DISP3: variants seen among roughly 807,000 people sequenced by gnomAD.
The protein encoded by DISP3 is protein dispatched homolog 3.
Under a neutral mutation model 135.3 loss-of-function variants are expected in DISP3, and 101 were observed. The observed-to-expected ratio is 0.75, with a 90% confidence interval of 0.64 to 0.88. DISP3 has a LOEUF of 0.88. DISP3 is among the 40% of genes least tolerant of loss of function. The pLI is 0.00. For synonymous variants in DISP3, 856 were observed against 817.0 expected (o/e 1.05, Z -0.81); for missense variants, 1,713 against 1,878.6 (o/e 0.91, Z 1.63).
intron 11 of DISP3, among the ~76,000 whole-genome samples, chr1:11,524,577 A>T (rs1369714902): frequency 6.8e-6 from 1 of 147,126 alleles, no homozygotes; most frequent in Non-Finnish European, 1.5e-5. Context: ...ACCCCATCCC[A>T]GTGACTACCA....
chr1:11,504,749 CA>C (rs1213069000), intron 3 of DISP3, among the ~76,000 whole-genome samples: 1 of 152,166 alleles, frequency 6.6e-6, no homozygotes, highest in Non-Finnish European at 1.5e-5. Context: ...TGATGCAGCA[CA>C]AAAGCCTTCA....
rs775287940 is a variant in DISP3 at position 11,501,206 on chromosome 1, T to A, written c.214T>A (p.Cys72Ser). The change falls in exon 2 of 21, where the codon TGC (cysteine) becomes AGC (serine). Residue 72 changes from cysteine to serine, a missense_variant. Cys to Ser is a moderately radical substitution (Grantham distance 112, BLOSUM62 -1). Transcript: ENST00000294484. The surrounding 1 kb of genome is among the most constrained non-coding windows in gnomAD (Gnocchi z 4.9). ...STLGWAFTNP[C>S]CAGLVLFLGC... ...CCTGGGCTGGGCCTTCACCAATCCG[T>A]GCTGTGCTGGGCTGGTGCTCTTCCT... is the stretch of plus-strand genomic sequence containing the variant. 1 of 1,614,048 alleles carries A rather than the reference T, an allele frequency of 6.2e-7. No homozygotes were observed. The highest frequency in any genetic ancestry group is 1.7e-5 in the Admixed American group (1 of 60,026).
At chr1:11,512,277 T>G (rs1351215988) in intron 3 of DISP3, among the ~76,000 whole-genome samples, 1 of 152,162 alleles carries the variant, frequency 6.6e-6, no homozygotes, top group African/African-American at 2.4e-5. Flanking sequence ...TCCATTGCAT[T>G]GTCAGGCTGC....
rs749377652 is a variant in DISP3, at chr1:11,529,827, C to T, written c.2970C>T (p.Pro990=). The T allele has an allele frequency of 1.2e-6, 2 of 1,614,000 alleles. No individual in the cohort carries two copies. Among genetic ancestry groups the T allele is most frequent in the South Asian group, 1.1e-5 (1 of 91,078 alleles). The change falls in exon 15 of 21, where the codon CCC becomes CCT. Residue 990 remains proline, a synonymous_variant. Coordinates refer to ENST00000294484, the MANE Select transcript of DISP3 (RefSeq NM_020780.2). This position sits in a 1 kb window ranked among gnomAD's most constrained non-coding sequence, Gnocchi z 4.7. ...TCTCAGCCACCTTCGGCTTCAACCC[C>T]TGCGTGAACACGGGCTGCGGGAAGC... ...ARLSATFGFN[P]CVNTGCGKPA...
At chr1:11,502,433 G>A (rs2235665) in intron 2 of DISP3, among the ~76,000 whole-genome samples, 122,699 of 152,058 alleles carry the variant, frequency 0.81, 50,116 homozygotes, top group Admixed American at 0.87. Flanking sequence ...CCATAGGAAG[G>A]CAGGAGAAAT....
At chr1:11,498,746 C>T (rs150642569) in intron 1 of DISP3, among the ~76,000 whole-genome samples, 99 of 152,316 alleles carry the variant, frequency 6.5e-4, no homozygotes, top group African/African-American at 2.2e-3. Flanking sequence ...TTCCCAAGCA[C>T]TTATACCTAC....
rs746029099 is a variant in DISP3 at position 11,535,572 on chromosome 1, C to T, written c.3744C>T (p.Ser1248=). The T allele has an allele frequency of 4.3e-6, 7 of 1,613,338 alleles. No individual in the cohort carries two copies. Among genetic ancestry groups the T allele is most frequent in the East Asian group, 2.2e-5 (1 of 44,880 alleles). Residue 1248 remains serine (S), a synonymous_variant, in exon 20 of 21, where the codon TCC becomes TCT. Transcript: ENST00000294484. The part of the protein sequence containing the change: ...AISLSILVGS[S]VDYCVHLVEG... ...CCCTGTCCATCCTCGTTGGCTCCTC[C>T]GTGGATTACTGCGTCCACCTGGTCG...
At position 11,515,482 on chromosome 1, in the gene DISP3, G is replaced by A. The variant is rs577776373; in HGVS notation, c.1567G>A (p.Ala523Thr). Residue 523 changes from alanine to threonine, a missense_variant, in exon 5 of 21, where the codon GCC becomes ACC. Around this residue, in one of 2 missense-constraint regions of DISP3, gnomAD observed 1,142 missense variants for 1,384.6 expected, o/e 0.82. Transcript: ENST00000294484. ...CTTGGGCATCCTGAATGGGGTGGCC[G>A]CCTTCGTGATCGTGGGCATTGGTGA... is the stretch of plus-strand genomic sequence containing the variant. ...QYLGILNGVAAFVIVGIGVDD... is the reference protein window; with the variant it reads ...QYLGILNGVATFVIVGIGVDD... 8.1e-6 allele frequency: 13 copies of A among 1,609,634 alleles called. No individual in the cohort carries two copies. The highest frequency in any genetic ancestry group is 4.4e-5 in the South Asian group (4 of 90,356).
Position 11,531,841 on chromosome 1 carries a change from G to C in DISP3, c.3375+131G>C. On this transcript the variant is annotated intron_variant, in intron 17 of 20. Transcript: ENST00000294484. This position sits in a 1 kb window ranked among gnomAD's most constrained non-coding sequence, Gnocchi z 5.2. The stretch of plus-strand genomic sequence containing the variant: ...AGAGAGGTGGAGTGACTTGCCTGAG[G>C]TCACATAGTTAGTGGGTGTCAGTGT... 1 of 1,308,302 alleles carries C rather than the reference G, an allele frequency of 7.6e-7. No homozygotes were observed. Among genetic ancestry groups the C allele is most frequent in the Non-Finnish European group, 1.0e-6 (1 of 983,214 alleles). The allele number at this position is 1,308,302 out of a possible 1,614,324, so 81.0% of individuals were successfully genotyped here.
rs183058969 is a variant in DISP3, at chr1:11,524,240, C to G, written c.2476+185C>G. 2.9e-3 allele frequency among the ~76,000 whole-genome samples: 439 copies of G among 152,142 alleles called. 1 individual carries two copies. The highest frequency in any genetic ancestry group is 9.6e-3 in the African/African-American group (397 of 41,478). On this transcript the variant is annotated intron_variant, in intron 11 of 20. Transcript: ENST00000294484. ...GCCCTCACCTCCCATCCCGCCAGGA[C>G]AGTAGGCTCCCGCGACACCCTGGTC...
chr1:11,536,466 A>G lies in DISP3; in HGVS notation c.3959A>G (p.Lys1320Arg). The G allele has an allele frequency of 6.2e-7, 1 of 1,613,624 alleles. No homozygotes were observed. The highest frequency in any genetic ancestry group is 8.5e-7 in the Non-Finnish European group (1 of 1,179,942). ...CIIAPFAKFG[K>R]IVALNTGVSI... ...ATCGCCCCATTTGCCAAGTTCGGCA[A>G]GATTGTGGCACTCAACACGGGCGTG... Residue 1320 changes from lysine (K) to arginine (R), a missense_variant, in exon 21 of 21, where the codon AAG becomes AGG. Lys to Arg is a conservative substitution (Grantham distance 26, BLOSUM62 2). Coordinates refer to ENST00000294484, the MANE Select transcript of DISP3 (RefSeq NM_020780.2). The surrounding 1 kb of genome is among the most constrained non-coding windows in gnomAD (Gnocchi z 4.3).
chr1:11,528,452 G>A (rs1642488215), intron 13 of DISP3, among the ~76,000 whole-genome samples: 1 of 152,186 alleles, frequency 6.6e-6, no homozygotes. Context: ...ACAAACTGTG[G>A]GCTTCAACTG....
At chr1:11,521,530 G>T (rs1244921945) in intron 10 of DISP3, among the ~76,000 whole-genome samples, 1 of 130,900 alleles carries the variant, frequency 7.6e-6, no homozygotes, top group African/African-American at 2.9e-5. Flanking sequence ...GGAGAGGAGA[G>T]AAGAGGAGAG....
In DISP3 at chr1:11,520,541, C is replaced by T. The variant is rs540802555; in HGVS notation, c.2201-146C>T. On this transcript the variant is annotated intron_variant, in intron 9 of 20. Transcript: ENST00000294484. This position sits in a 1 kb window ranked among gnomAD's most constrained non-coding sequence, Gnocchi z 4.8. ...GACCATCCCCAGCAAGCTTTGCCCA[C>T]GGGCTGGCATGCAGGGCCTTCCCCC... is the stretch of plus-strand genomic sequence containing the variant. The T allele has an allele frequency of 4.0e-5, 33 of 827,474 alleles. No individual in the cohort carries two copies. The highest frequency in any genetic ancestry group is 2.1e-4 in the African/African-American group (12 of 58,214). 51.3% of individuals were successfully genotyped at this position (827,474 alleles called of 1,614,324 possible). A position where few individuals can be genotyped will look rare whatever the true frequency, so the allele number is the denominator to read the frequency against.
rs1442939126 is a variant in DISP3, at chr1:11,535,543, A to G, written c.3715A>G (p.Ile1239Val). The part of the protein sequence containing the change: ...SGWEMGAVEA[I>V]SLSILVGSSV... ...CTGGGAGATGGGGGCTGTGGAAGCC[A>G]TCTCCCTGTCCATCCTCGTTGGCTC... is the stretch of plus-strand genomic sequence containing the variant. The change falls in exon 20 of 21, where the codon ATC (isoleucine) becomes GTC (valine). Residue 1239 changes from isoleucine to valine, a missense_variant. Coordinates refer to ENST00000294484, the MANE Select transcript of DISP3 (RefSeq NM_020780.2). The G allele has an allele frequency of 7.4e-6, 12 of 1,613,144 alleles. No homozygotes were observed. Among genetic ancestry groups the G allele is most frequent in the Non-Finnish European group, 7.6e-6 (9 of 1,179,858 alleles).
intron 1 of DISP3, among the ~76,000 whole-genome samples, chr1:11,487,506 C>T (rs1012024165): frequency 1.3e-5 from 2 of 152,248 alleles, no homozygotes; most frequent in Non-Finnish European, 2.9e-5. Flanking sequence ...ACCACCTTGC[C>T]TGGGACAGCA....
At chr1:11,486,949 G>C (rs1641053738) in intron 1 of DISP3, among the ~76,000 whole-genome samples, 1 of 152,166 alleles carries the variant, frequency 6.6e-6, no homozygotes, top group Non-Finnish European at 1.5e-5. Context: ...ACTGTGCTGG[G>C]GTGGCAGGTG....
chr1:11,525,112 C>G (rs1048090898), intron 11 of DISP3, 64 bp from the exon 12 acceptor site: 1 of 1,591,864 alleles, frequency 6.3e-7, no homozygotes, highest in Non-Finnish European at 8.6e-7. Flanking sequence ...GTGGGCTGCT[C>G]CAGGGTCAGG....
Position 11,529,730 on chromosome 1 carries a change from T to G in DISP3, c.2929+44T>G, listed in dbSNP as rs1485208576. ...GGTGGGGACCTCAAGAGCTGAGACC[T>G]CGGGGCTCAGGAGCTGGACCCTGCC... On this transcript the variant is annotated intron_variant, in intron 14 of 20. Transcript: ENST00000294484. The surrounding 1 kb of genome is among the most constrained non-coding windows in gnomAD (Gnocchi z 4.7). 6.2e-7 allele frequency: 1 copy of G among 1,600,410 alleles called. No homozygotes were observed. The highest frequency in any genetic ancestry group is 2.2e-5 in the East Asian group (1 of 44,564).
Sources: gnomAD v4.1 joint callset for allele counts (sites outside exome capture counted in the v4.1 genomes callset) on GRCh38, gnomAD v4.1.1 for gene constraint, gnomAD v4.1.1 regional missense constraint, Gnocchi (gnomAD v3.1) non-coding constraint, MANE v1.5 for transcripts, NCBI Gene and HGNC (gene_info 2026-07-23, HGNC 2026-07-21) for gene names.